Variants in HLCS observed in about 807,000 individuals in gnomAD.
HLCS encodes the protein holocarboxylase synthetase.
A neutral mutation model predicts 75.0 loss-of-function variants in HLCS; 53 were observed. That is an observed-to-expected ratio of 0.71 (90% confidence interval 0.57 to 0.89). The LOEUF (loss-of-function observed/expected upper bound fraction) is 0.89, where lower values mean the gene tolerates loss of function less well. Among genes scored for constraint, HLCS ranks in the 40% least tolerant of loss-of-function variants. The probability of loss-of-function intolerance (pLI) is 0.00; values close to 1 mark genes in which losing one functional copy is unlikely to be tolerated. For synonymous variants in HLCS, 431 were observed against 428.6 expected (o/e 1.01, Z -0.07); for missense variants, 966 against 1,074.0 (o/e 0.90, Z 1.41).
intron 5 of HLCS, among the ~76,000 whole-genome samples, chr21:36,909,331 T>C (rs553578873): frequency 6.6e-6 from 1 of 152,340 alleles, no homozygotes; most frequent in East Asian, 1.9e-4. Context: ...ATATAAATCA[T>C]AACTAAATAA....
intron 2 of HLCS, among the ~76,000 whole-genome samples, chr21:36,961,720 G>A (rs999602856): frequency 1.3e-5 from 2 of 152,026 alleles, no homozygotes; most frequent in Non-Finnish European, 2.9e-5. Context: ...TTGGGAGGCC[G>A]AGGCAGGTGG....
At chr21:36,980,533 G>C (rs998523249) in intron 1 of HLCS, 1 of 152,212 alleles carries the variant, frequency 6.6e-6, no homozygotes, top group Non-Finnish European at 1.5e-5. Flanking sequence ...GTGGAATCTG[G>C]TAAGTTCTTA....
chr21:36,840,592 T>G (rs2835480), intron 6 of HLCS, among the ~76,000 whole-genome samples: 71,721 of 152,020 alleles, frequency 0.47, 19,603 homozygotes, highest in African/African-American at 0.76. Flanking sequence ...AAATTACAAT[T>G]TTGCTTTTAT....
chr21:36,929,322 A>G (rs923063287), intron 5 of HLCS, among the ~76,000 whole-genome samples: 6 of 152,220 alleles, frequency 3.9e-5, no homozygotes, highest in African/African-American at 1.4e-4. Flanking sequence ...CTCCATCCCC[A>G]GGAAAAGGCG....
intron 6 of HLCS, among the ~76,000 whole-genome samples, chr21:36,892,162 G>A (rs1012954313): frequency 6.6e-6 from 1 of 152,152 alleles, no homozygotes; most frequent in African/African-American, 2.4e-5. Context: ...CCTATAAAAA[G>A]CTGTGACTAT....
At chr21:36,989,490 A>G (rs1474990712) in intron 1 of HLCS, among the ~76,000 whole-genome samples, 41 of 150,820 alleles carry the variant, frequency 2.7e-4, no homozygotes, top group African/African-American at 9.0e-4. Context: ...AGCACGACCG[A>G]CTAATTTTTG....
chr21:36,915,463 C>G (rs2065891995), intron 5 of HLCS, among the ~76,000 whole-genome samples: 1 of 152,216 alleles, frequency 6.6e-6, no homozygotes, highest in African/African-American at 2.4e-5. Flanking sequence ...CACCATGACA[C>G]TTGGGAACAT....
chr21:36,839,626 C>A (rs2146089274), intron 6 of HLCS, among the ~76,000 whole-genome samples: 2 of 152,254 alleles, frequency 1.3e-5, no homozygotes, highest in East Asian at 3.9e-4. Flanking sequence ...ACACAAAATA[C>A]AGGCAAAAGA....
At chr21:36,797,670 A>C (rs530446765) in intron 6 of HLCS, among the ~76,000 whole-genome samples, 15 of 152,350 alleles carry the variant, frequency 9.8e-5, no homozygotes, top group African/African-American at 3.6e-4. Context: ...CTCAAAGCTG[A>C]ACTGAGCCAG....
Position 36,842,733 on chromosome 21 carries a change from A to T in HLCS, c.1892+54127T>A, listed in dbSNP as rs2062658815. ...ACTCCACCCTGGGCAACAGAGCAAG[A>T]CTCAGTCTCAAAAAAACAAACAACA... On this transcript the variant is annotated intron_variant, in intron 6 of 10. Transcript: ENST00000674895. The surrounding 1 kb of genome is among the most constrained non-coding windows in gnomAD (Gnocchi z 4.2). Among the ~76,000 whole-genome samples, 1 of 152,096 alleles carries T rather than the reference A, an allele frequency of 6.6e-6. No homozygotes were observed. The highest frequency in any genetic ancestry group is 1.5e-5 in the Non-Finnish European group (1 of 68,020).
chr21:36,888,447 TATATATATATATATATATATATATATA>T (rs1569149568), intron 6 of HLCS, among the ~76,000 whole-genome samples: 1 of 16,026 alleles, frequency 6.2e-5, no homozygotes, highest in Non-Finnish European at 1.1e-4. Context: ...AAAAAAAAAA[TATATATATATATATATATATATATATA>T]TATATATATA....
At chr21:36,890,698 C>G (rs1409242760) in intron 6 of HLCS, among the ~76,000 whole-genome samples, 1 of 152,074 alleles carries the variant, frequency 6.6e-6, no homozygotes, top group Non-Finnish European at 1.5e-5. Flanking sequence ...GAAATACCAG[C>G]CCTCAAAAAA....
intron 6 of HLCS, among the ~76,000 whole-genome samples, chr21:36,779,075 C>G (rs2060448833): frequency 1.3e-5 from 2 of 151,792 alleles, no homozygotes; most frequent in South Asian, 4.1e-4. Flanking sequence ...TACAATTGTC[C>G]CTTGGTATTC....
At chr21:36,908,805 G>A (rs1014874665) in intron 5 of HLCS, among the ~76,000 whole-genome samples, 23 of 152,132 alleles carry the variant, frequency 1.5e-4, no homozygotes, top group Non-Finnish European at 2.9e-4. Flanking sequence ...CTTAGATGAC[G>A]TTTCAGAAAA....
In HLCS at chr21:36,814,734, T is replaced by C. The variant is rs551948565; in HGVS notation, c.1893-47449A>G. On this transcript the variant is annotated intron_variant, in intron 6 of 10. Transcript: ENST00000674895. ...CGTGCATACAAATCACCCAGGGACA[T>C]TGTTAATTTAACATGTGGGTTCTGA... 9.2e-5 allele frequency among the ~76,000 whole-genome samples: 14 copies of C among 152,356 alleles called. No individual in the cohort carries two copies. In the South Asian group the frequency reaches 1.0e-3, roughly 11 times the overall value.
chr21:36,936,456 A>C lies in HLCS; in HGVS notation c.1430T>G (p.Leu477Arg). ...PFGTRGGEAV[L>R]CQVHLELPPS... is the part of the protein sequence containing the mutation. ...CCATGCTGCCCTGAGTACCTGGCAA[A>C]GAACAGCTTCTCCCCCGCGAGTTCC... Residue 477 changes from leucine to arginine, a missense_variant, in exon 4 of 11, where the codon CTT (leucine) becomes CGT (arginine). Coordinates refer to ENST00000674895, the MANE Select transcript of HLCS (RefSeq NM_001352514.2). The C allele has an allele frequency of 6.2e-7, 1 of 1,613,880 alleles. No homozygotes were observed. Among genetic ancestry groups the C allele is most frequent in the Non-Finnish European group, 8.5e-7 (1 of 1,179,728 alleles).
intron 2 of HLCS, among the ~76,000 whole-genome samples, chr21:36,956,039 T>C (rs2067924659): frequency 1.3e-5 from 2 of 152,212 alleles, no homozygotes; most frequent in African/African-American, 4.8e-5. Flanking sequence ...AAGTACACTC[T>C]ATGATGTTTG....
intron 6 of HLCS, among the ~76,000 whole-genome samples, chr21:36,833,515 G>A (rs1394464271): frequency 1.3e-5 from 2 of 151,286 alleles, no homozygotes; most frequent in African/African-American, 4.9e-5. Context: ...AACCTGGGAG[G>A]TGGAGGTTGC....
At chr21:36,844,706 T>G (rs1240325920) in intron 6 of HLCS, among the ~76,000 whole-genome samples, 2 of 151,852 alleles carry the variant, frequency 1.3e-5, no homozygotes, top group Non-Finnish European at 2.9e-5. Context: ...TTTTTTTTTT[T>G]GTACTTGGCT....
Sources: allele counts gnomAD v4.1 joint callset (sites outside exome capture counted in the v4.1 genomes callset), GRCh38; gene constraint gnomAD v4.1.1; non-coding constraint Gnocchi (gnomAD v3.1); transcripts MANE v1.5; gene names NCBI Gene and HGNC (gene_info 2026-07-23, HGNC 2026-07-21).